CENPM: variants seen among roughly 807,000 people sequenced by gnomAD.
CENPM encodes centromere protein M.
Under a neutral mutation model 19.6 loss-of-function variants are expected in CENPM, and 14 were observed. The observed-to-expected ratio is 0.71, with a 90% CI of 0.47 to 1.11. CENPM has a LOEUF of 1.11. Among genes scored for constraint, CENPM ranks in the 50% most tolerant of loss-of-function variants. The probability of loss-of-function intolerance (pLI) is 0.00; values close to 1 mark genes in which losing one functional copy is unlikely to be tolerated. For missense variants in CENPM, 239 were observed against 228.4 expected, an observed-to-expected ratio of 1.05 and a Z score of -0.30; for synonymous variants, 114 against 101.5, an observed-to-expected ratio of 1.12 and a Z score of -0.74.
intron 3 of CENPM, 26 bp downstream of exon 3, chr22:41,945,887 T>G: frequency 6.3e-7 from 1 of 1,590,982 alleles, no homozygotes; most frequent in East Asian, 2.2e-5. Context: ...GCCTGAGCCC[T>G]GACTGCCCCT....
At chr22:41,944,032 G>A in intron 4 of CENPM, 2 of 888,990 alleles carry the variant, frequency 2.2e-6, no homozygotes, top group Non-Finnish European at 2.7e-6. Context: ...AGCTGGGAAG[G>A]CAGACAGGTC....
chr22:41,934,240 C>T (rs1602380296), downstream of CENPM, among the ~76,000 whole-genome samples: 1 of 152,304 alleles, frequency 6.6e-6, no homozygotes, highest in South Asian at 2.1e-4. Flanking sequence ...ATGGGAAACA[C>T]CATCAGATTG....
chr22:41,945,822 A>G, intron 3 of CENPM, 91 bp downstream of exon 3: 4 of 1,015,026 alleles, frequency 3.9e-6, no homozygotes, highest in Non-Finnish European at 5.9e-6. Context: ...TCCCATCCTC[A>G]CCACTTCCCA....
At chr22:41,934,790 C>T (rs1355259287), downstream of CENPM, among the ~76,000 whole-genome samples, 3 of 152,218 alleles carry the variant, frequency 2.0e-5, no homozygotes, top group Admixed American at 6.5e-5. Flanking sequence ...GGTGAGTGAC[C>T]TGCCTGAGGT....
intron 5 of CENPM, among the ~76,000 whole-genome samples, chr22:41,941,747 T>A (rs557522606): frequency 6.6e-6 from 1 of 152,332 alleles, no homozygotes; most frequent in South Asian, 2.1e-4. Flanking sequence ...CAGGGTCCCA[T>A]CTGTGAGATC....
chr22:41,943,819 G>C, intron 4 of CENPM, 118 bp from the exon 5 acceptor site: 1 of 807,780 alleles, frequency 1.2e-6, no homozygotes, highest in Non-Finnish European at 1.9e-6. Context: ...TTCTAGTCGC[G>C]AGGGTGACAG....
At chr22:41,927,934 G>A in the CENPM span, among the ~76,000 whole-genome samples, 2 of 152,328 alleles carry the variant, frequency 1.3e-5, no homozygotes, top group Admixed American at 6.5e-5. Context: ...TGGGCCGGAA[G>A]GCTTCATGGA....
At chr22:41,946,778 G>GA in intron 1 of CENPM, 1 of 601,160 alleles carries the variant, frequency 1.7e-6, no homozygotes, top group Admixed American at 3.0e-5. Flanking sequence ...CCAATTCCAG[G>GA]CGCGGGAACT....
chr22:41,944,779 T>A, intron 4 of CENPM: 1 of 1,000,726 alleles, frequency 1.0e-6, no homozygotes, highest in South Asian at 4.2e-5. Context: ...TGCAAAGTGT[T>A]TTATGTCTTT....
downstream of CENPM, among the ~76,000 whole-genome samples, chr22:41,937,278 C>A (rs1292172292): frequency 6.6e-6 from 1 of 152,206 alleles, no homozygotes; most frequent in Non-Finnish European, 1.5e-5. Flanking sequence ...CTAATTTGCA[C>A]CAGTTTTTGA....
At chr22:41,928,428 G>A in the CENPM span, among the ~76,000 whole-genome samples, 1 of 152,100 alleles carries the variant, frequency 6.6e-6, no homozygotes, top group African/African-American at 2.4e-5. The surrounding 1 kb of genome is among the most constrained non-coding windows in gnomAD (Gnocchi z 4.0). Flanking sequence ...AGGGCTGGAG[G>A]GAACTCTGGG....
At chr22:41,939,779 A>G (rs2077710760) in intron 5 of CENPM, among the ~76,000 whole-genome samples, 1 of 120,960 alleles carries the variant, frequency 8.3e-6, no homozygotes, top group Non-Finnish European at 1.6e-5. Context: ...CTGTCTCAAA[A>G]AAGAAAGAAA....
chr22:41,945,428 G>T, intron 3 of CENPM, 124 bp from the exon 4 acceptor site: 1 of 1,475,692 alleles, frequency 6.8e-7, no homozygotes, highest in South Asian at 1.3e-5. Context: ...ACTTTCTCTG[G>T]AGAAATATTT....
At chr22:41,936,788 C>T (rs1262951092), downstream of CENPM, among the ~76,000 whole-genome samples, 5 of 152,160 alleles carry the variant, frequency 3.3e-5, no homozygotes, top group Non-Finnish European at 7.4e-5. Flanking sequence ...ATTAGCTGGG[C>T]ATGGTGGCGT....
the CENPM span, among the ~76,000 whole-genome samples, chr22:41,930,946 C>G: frequency 2.0e-5 from 3 of 151,264 alleles, no homozygotes; most frequent in South Asian, 6.3e-4. Context: ...AAGCGATTCT[C>G]GTGCCTCAGC....
chr22:41,933,080 G>C, the CENPM span, among the ~76,000 whole-genome samples: 3 of 152,266 alleles, frequency 2.0e-5, no homozygotes, highest in African/African-American at 7.2e-5. Flanking sequence ...AGGCCTGGTG[G>C]ATGGTGACCT....
chr22:41,945,776 C>A, intron 3 of CENPM, 137 bp downstream of exon 3: 1 of 665,042 alleles, frequency 1.5e-6, no homozygotes, highest in Non-Finnish European at 2.6e-6. Context: ...ACTGGCTCCT[C>A]TCTCCTCACC....
At chr22:41,931,434 C>G in the CENPM span, among the ~76,000 whole-genome samples, 14 of 151,114 alleles carry the variant, frequency 9.3e-5, no homozygotes, top group African/African-American at 3.4e-4. Flanking sequence ...GAGCTGAGGT[C>G]GTGCCACTGC....
In CENPM at chr22:41,938,916, C is replaced by T; in HGVS notation, c.*140G>A. On this transcript the variant is annotated 3_prime_UTR_variant, in exon 6 of 6. Transcript: ENST00000215980. ...TTCTGCCCAGCTCTCCCTGCTGCAGCACTGGCACTGCAGGGAACCTTCCCA... is the reference window on the plus strand; with the variant it reads ...TTCTGCCCAGCTCTCCCTGCTGCAGTACTGGCACTGCAGGGAACCTTCCCA... 9.1e-7 allele frequency: 1 copy of T among 1,098,304 alleles called. No homozygotes were observed. The highest frequency in any genetic ancestry group is 1.3e-6 in the Non-Finnish European group (1 of 768,060). The allele number at this position is 1,098,304 out of a possible 1,614,324, so 68.0% of individuals were successfully genotyped here.
Sources: allele counts gnomAD v4.1 joint callset (sites outside exome capture counted in the v4.1 genomes callset), GRCh38; gene constraint gnomAD v4.1.1; non-coding constraint Gnocchi (gnomAD v3.1); transcripts MANE v1.5; gene names NCBI Gene and HGNC (gene_info 2026-07-23, HGNC 2026-07-21).